PXDN: variants seen among roughly 807,000 people sequenced by gnomAD.
PXDN encodes the protein peroxidasin homolog.
Under a neutral mutation model 140.3 loss-of-function variants are expected in PXDN, and 77 were observed. The ratio of observed to expected loss-of-function variants is 0.55; its 90% CI spans 0.46 to 0.66. The LOEUF is 0.66. Ranked by LOEUF, PXDN falls within the 30% of genes least tolerant of loss-of-function variation. PXDN has a pLI of 0.00. For missense variants in PXDN, 1,838 were observed against 2,039.5 expected, an observed-to-expected ratio of 0.90 and a Z score of 1.90; for synonymous variants, 911 against 857.4, an observed-to-expected ratio of 1.06 and a Z score of -1.09.
chr2:1,720,309 CAG>C (rs779262133), intron 1 of PXDN, among the ~76,000 whole-genome samples: 6 of 63,334 alleles, frequency 9.5e-5, no homozygotes, highest in Admixed American at 6.4e-4. Flanking sequence ...GGGAGGGATG[CAG>C]AGAGAGAGAG....
At chr2:1,688,521 C>A (rs147528173) in intron 3 of PXDN, among the ~76,000 whole-genome samples, 2 of 152,332 alleles carry the variant, frequency 1.3e-5, no homozygotes, top group South Asian at 4.1e-4. Flanking sequence ...CAAAACCATG[C>A]GCATTGTGCC....
intron 16 of PXDN, among the ~76,000 whole-genome samples, chr2:1,652,264 G>A (rs771954588): frequency 6.6e-6 from 1 of 152,094 alleles, no homozygotes; most frequent in South Asian, 2.1e-4. Flanking sequence ...ATCTGATCCT[G>A]TAACTAAATG....
chr2:1,700,736 G>C (rs573324318), intron 1 of PXDN, among the ~76,000 whole-genome samples: 3 of 152,026 alleles, frequency 2.0e-5, no homozygotes, highest in Non-Finnish European at 2.9e-5. Context: ...TTAGCCAGGC[G>C]TGGTGGCGCA....
intron 17 of PXDN, chr2:1,646,154 G>C (rs1682846193): frequency 6.6e-6 from 1 of 152,276 alleles, no homozygotes; most frequent in African/African-American, 2.4e-5. Flanking sequence ...CATGGTCTCT[G>C]ATGGTCATGC....
chr2:1,723,294 T>A (rs1685096411), intron 1 of PXDN, among the ~76,000 whole-genome samples: 1 of 152,124 alleles, frequency 6.6e-6, no homozygotes, highest in Non-Finnish European at 1.5e-5. Flanking sequence ...AATGAATGAA[T>A]GCATTAATGG....
At position 1,726,377 on chromosome 2, in the gene PXDN, A is replaced by T. The variant is rs571340864; in HGVS notation, c.200+17879T>A. ...CTCACTCATAGGTGGGAATTTAACAATGAGAACACATGGACACAGGAAGGG... is the reference window on the plus strand; with the variant it reads ...CTCACTCATAGGTGGGAATTTAACATTGAGAACACATGGACACAGGAAGGG... On this transcript the variant is annotated intron_variant, in intron 1 of 22. Coordinates refer to ENST00000252804, the MANE Select transcript of PXDN (RefSeq NM_012293.3). Among the ~76,000 whole-genome samples, 422 of 144,022 alleles carry T rather than the reference A, an allele frequency of 2.9e-3. 2 individuals are homozygous for T. The highest frequency in any genetic ancestry group is 4.9e-3 in the South Asian group (21 of 4,246). The allele number at this position is 144,022 out of a possible 152,430, so 94.5% of individuals were successfully genotyped here. A position where few individuals can be genotyped will look rare whatever the true frequency, so the allele number is the denominator to read the frequency against.
rs1682809703 is a variant in PXDN, at chr2:1,644,659, A to G, written c.3702T>C (p.Cys1234=). The G allele has an allele frequency of 3.1e-6, 5 of 1,608,298 alleles. No individual in the cohort carries two copies. The highest frequency in any genetic ancestry group is 3.4e-6 in the Non-Finnish European group (4 of 1,176,236). ...PGSRLGPTLM[C]LLSTQFKRLR... is the part of the protein sequence containing the mutation. The stretch of plus-strand genomic sequence containing the variant: ...GGCGCTTGAACTGTGTGCTGAGAAG[A>G]CACATCAGGGTGGGGCCCAGCCGGC... The change falls in exon 18 of 23, where the codon TGT becomes TGC. Residue 1234 remains cysteine (C), a synonymous_variant. Transcript: ENST00000252804.
chr2:1,664,055 G>A, intron 11 of PXDN: 1 of 363,818 alleles, frequency 2.7e-6, no homozygotes, highest in Non-Finnish European at 5.1e-6. Flanking sequence ...GAGCGGGGTG[G>A]ATGGCCAGCT....
rs1682995794 is a variant in PXDN at position 1,650,693 on chromosome 2, GCA to G, written c.2105-1020_2105-1019del. Reference sequence around the variant, plus strand: ...ATGCCTGCCGAAAAGCTACACACACGCACACACACATGCACGCTTAAATGTTT... The same window carrying G: ...ATGCCTGCCGAAAAGCTACACACACGCACACACATGCACGCTTAAATGTTT... On this transcript the variant is annotated intron_variant, in intron 16 of 22. Transcript: ENST00000252804. 5.9e-5 allele frequency among the ~76,000 whole-genome samples: 9 copies of G among 151,890 alleles called. No homozygotes were observed. The South Asian group carries it at 1.9e-3, about 32-fold the overall frequency.
chr2:1,673,295 G>C (rs190208320), intron 9 of PXDN, among the ~76,000 whole-genome samples: 103 of 152,332 alleles, frequency 6.8e-4, no homozygotes, highest in African/African-American at 2.4e-3. Flanking sequence ...GGCAACAGCT[G>C]GCTGTGGCTG....
intron 19 of PXDN, among the ~76,000 whole-genome samples, chr2:1,641,248 T>G: frequency 6.6e-6 from 1 of 152,120 alleles, no homozygotes; most frequent in East Asian, 1.9e-4. Context: ...GCCTCTTGGG[T>G]TCAAGCAATT....
At chr2:1,691,873 TTAAG>T (rs1281482722) in intron 3 of PXDN, 51 bp downstream of exon 3, 1 of 1,165,368 alleles carries the variant, frequency 8.6e-7, no homozygotes, top group Non-Finnish European at 1.2e-6. Flanking sequence ...AGCTCTATTT[TTAAG>T]TAATCTAGAT....
intron 1 of PXDN, among the ~76,000 whole-genome samples, chr2:1,723,725 T>C (rs535752435): frequency 6.6e-6 from 1 of 151,902 alleles, no homozygotes; most frequent in South Asian, 2.1e-4. Context: ...AAAGGGGGGT[T>C]ATGGATGGAT....
In PXDN at chr2:1,643,543, C is replaced by T. The variant is rs771296284; in HGVS notation, c.3777G>A (p.Pro1259=). 4.3e-6 allele frequency: 7 copies of T among 1,613,888 alleles called. No individual in the cohort carries two copies. The Admixed American group carries it at 5.0e-5, about 12-fold the overall frequency. The change falls in exon 19 of 23, where the codon CCG becomes CCA. Residue 1259 remains proline (P), a synonymous_variant. Coordinates refer to ENST00000252804, the MANE Select transcript of PXDN (RefSeq NM_012293.3). Reference sequence around the variant, plus strand: ...TCTGCTTGATCTGAGTCAGCTGGGCCGGGGAGAACACCCCAGGGTTCTCAT... The same window carrying T: ...TCTGCTTGATCTGAGTCAGCTGGGCTGGGGAGAACACCCCAGGGTTCTCAT... The part of the protein sequence containing the change: ...LWYENPGVFS[P]AQLTQIKQTS...
At chr2:1,696,339 C>A (rs1053355243) in intron 1 of PXDN, among the ~76,000 whole-genome samples, 2 of 152,112 alleles carry the variant, frequency 1.3e-5, no homozygotes, top group African/African-American at 4.8e-5. Context: ...GCAGTTAGAC[C>A]TCCCACCATG....
At chr2:1,661,149 C>G in intron 13 of PXDN, 112 bp from the exon 14 acceptor site, 1 of 1,292,126 alleles carries the variant, frequency 7.7e-7, no homozygotes, top group East Asian at 2.5e-5. Context: ...AATGGAGAAG[C>G]TCCCAGGCTG....
chr2:1,678,146 T>C (rs1367738369), intron 7 of PXDN, among the ~76,000 whole-genome samples: 1 of 151,980 alleles, frequency 6.6e-6, no homozygotes, highest in Non-Finnish European at 1.5e-5. Flanking sequence ...CCTCCTCTTC[T>C]CTCTCCTCTG....
At position 1,662,140 on chromosome 2, in the gene PXDN, C is replaced by A; in HGVS notation, c.1612G>T (p.Val538Leu). Residue 538 changes from valine to leucine, a missense_variant, in exon 13 of 23, where the codon GTG (valine) becomes TTG (leucine). This residue lies in a region of PXDN where 537 missense variants were observed against 583.9 expected (regional missense o/e 0.92). Coordinates refer to ENST00000252804, the MANE Select transcript of PXDN (RefSeq NM_012293.3). ...CACGGGAGCTGCACATTGGCGCCCA[C>A]CTCCACTGTTGTGTCGCTGGGAATG... is the stretch of plus-strand genomic sequence containing the variant. ...ASIPSDTTVE[V>L]GANVQLPCSS... 6.3e-7 allele frequency: 1 copy of A among 1,596,082 alleles called. No individual in the cohort carries two copies. Among genetic ancestry groups the A allele is most frequent in the Non-Finnish European group, 8.5e-7 (1 of 1,171,506 alleles).
chr2:1,659,703 C>G (rs1332097302), intron 14 of PXDN, among the ~76,000 whole-genome samples: 1 of 150,804 alleles, frequency 6.6e-6, no homozygotes, highest in African/African-American at 2.5e-5. Flanking sequence ...GTTTCATCAA[C>G]TTAATTTTAC....
Sources: gnomAD v4.1 joint callset for allele counts (sites outside exome capture counted in the v4.1 genomes callset) on GRCh38, gnomAD v4.1.1 for gene constraint, gnomAD v4.1.1 regional missense constraint, MANE v1.5 for transcripts, NCBI Gene and HGNC (gene_info 2026-07-23, HGNC 2026-07-21) for gene names.